HMGXB3: variants seen among roughly 807,000 people sequenced by gnomAD.
HMGXB3 encodes the protein HMG-box containing 3.
Under a neutral mutation model 121.5 loss-of-function variants are expected in HMGXB3, and 45 were observed. The observed-to-expected ratio is 0.37, with a 90% confidence interval of 0.29 to 0.47. The LOEUF is 0.47. Ranked by LOEUF, HMGXB3 falls within the 20% of genes least tolerant of loss-of-function variation. The pLI is 0.99. For missense variants in HMGXB3, 1,376 were observed against 1,602.2 expected, an observed-to-expected ratio of 0.86 and a Z score of 2.41; for synonymous variants, 590 against 624.1, an observed-to-expected ratio of 0.95 and a Z score of 0.81.
chr5:150,030,720 A>G (rs770745477), intron 9 of HMGXB3, 21 bp from the exon 10 acceptor site: 1 of 1,539,712 alleles, frequency 6.5e-7, no homozygotes, highest in South Asian at 1.2e-5. Flanking sequence ...AAAGCACTAA[A>G]TAATTTGTTC....
At chr5:150,044,791 G>A (rs939823838) in intron 15 of HMGXB3, among the ~76,000 whole-genome samples, 19 of 152,176 alleles carry the variant, frequency 1.2e-4, no homozygotes, top group Admixed American at 1.2e-3. Flanking sequence ...TGAGGTATTA[G>A]GATCCGGGTC....
intron 9 of HMGXB3, among the ~76,000 whole-genome samples, chr5:150,028,107 C>G (rs1342508171): frequency 6.6e-6 from 1 of 152,036 alleles, no homozygotes; most frequent in Non-Finnish European, 1.5e-5. Flanking sequence ...TCAACATACA[C>G]AAGATGAACA....
In HMGXB3 at chr5:150,052,655, G is replaced by A. The variant is rs566517408; in HGVS notation, c.*463G>A. ...CTTAGCCTGTTGCCTTTGACTAGGG[G>A]CCTGGGTGGCCTCATTAACTCTAGG... On this transcript the variant is annotated 3_prime_UTR_variant, in exon 20 of 20. Transcript: ENST00000502717. The A allele has an allele frequency of 3.2e-4, 52 of 163,280 alleles. No homozygotes were observed. Among genetic ancestry groups the A allele is most frequent in the Non-Finnish European group, 6.1e-4 (45 of 74,242 alleles). The allele number at this position is 163,280 out of a possible 1,614,324, so 10.1% of individuals were successfully genotyped here.
chr5:150,035,525 G>A (rs1241440351), intron 11 of HMGXB3, among the ~76,000 whole-genome samples: 1 of 152,138 alleles, frequency 6.6e-6, no homozygotes, highest in Non-Finnish European at 1.5e-5. Context: ...CTTCTACAGA[G>A]CCATGTATAA....
chr5:150,011,603 G>GTTTT (rs1491185268), intron 4 of HMGXB3, among the ~76,000 whole-genome samples: 2 of 143,230 alleles, frequency 1.4e-5, no homozygotes, highest in African/African-American at 5.6e-5. Context: ...GTTTTTTTTT[G>GTTTT]GTTTTTTTTT....
chr5:150,041,006 G>C, intron 14 of HMGXB3, 127 bp downstream of exon 14: 1 of 929,952 alleles, frequency 1.1e-6, no homozygotes, highest in Non-Finnish European at 1.5e-6. Context: ...AGACATTCTT[G>C]ACTTCCTAAT....
chr5:150,010,085 C>G (rs938323711), intron 3 of HMGXB3, 26 bp from the exon 4 acceptor site: 9 of 1,540,000 alleles, frequency 5.8e-6, no homozygotes, highest in South Asian at 3.6e-5. Flanking sequence ...TGCTTGTCTC[C>G]CCCTTCCTGG....
intron 11 of HMGXB3, among the ~76,000 whole-genome samples, chr5:150,034,678 A>T (rs145597950): frequency 6.6e-6 from 1 of 152,206 alleles, no homozygotes; most frequent in Non-Finnish European, 1.5e-5. Flanking sequence ...GGAGAAATAC[A>T]GTGTAATTAC....
chr5:150,013,065 GA>G (rs1336939613), intron 5 of HMGXB3, among the ~76,000 whole-genome samples: 3 of 152,150 alleles, frequency 2.0e-5, no homozygotes, highest in African/African-American at 7.2e-5. Context: ...TGTCCTTTCT[GA>G]TTTGAATTCC....
At position 150,010,162 on chromosome 5, in the gene HMGXB3, C is replaced by T. The variant is rs1245557027; in HGVS notation, c.364C>T (p.Arg122Cys). The T allele has an allele frequency of 3.2e-6, 5 of 1,551,746 alleles. No individual in the cohort carries two copies. Among genetic ancestry groups the T allele is most frequent in the Admixed American group, 2.0e-5 (1 of 51,000 alleles). ...TGTGGTTCCGGACATCCCAGGTTTC[C>T]GCAAGATCCTCCCACGCTCAGATTA... The part of the protein sequence containing the change: ...TAVVPDIPGF[R>C]KILPRSDYII... Residue 122 changes from arginine to cysteine, a missense_variant, in exon 4 of 20, where the codon CGC (arginine) becomes TGC (cysteine). This residue lies in a region of HMGXB3 where 1,116 missense variants were observed against 1,369.0 expected (regional missense o/e 0.82). Transcript: ENST00000502717.
chr5:150,044,461 C>T (rs1267288127), intron 15 of HMGXB3, among the ~76,000 whole-genome samples: 1 of 152,064 alleles, frequency 6.6e-6, no homozygotes, highest in Non-Finnish European at 1.5e-5. Context: ...AGGAGAGGAG[C>T]CTTTATGGGG....
intron 15 of HMGXB3, among the ~76,000 whole-genome samples, chr5:150,044,225 C>A (rs1018183312): frequency 2.0e-5 from 3 of 152,084 alleles, no homozygotes; most frequent in African/African-American, 7.2e-5. Flanking sequence ...AGTTATTGAA[C>A]AAAACTTAAA....
intron 9 of HMGXB3, chr5:150,030,398 G>A (rs1305398540): frequency 1.1e-5 from 2 of 185,220 alleles, no homozygotes; most frequent in Admixed American, 5.8e-5. Flanking sequence ...TTAGTGAATA[G>A]TCTTTCAGAC....
chr5:150,044,242 G>T (rs1184856068), intron 15 of HMGXB3, among the ~76,000 whole-genome samples: 1 of 152,198 alleles, frequency 6.6e-6, no homozygotes, highest in Non-Finnish European at 1.5e-5. Context: ...TAAATATGCT[G>T]TTATCCATGA....
intron 15 of HMGXB3, 76 bp downstream of exon 15, chr5:150,042,045 C>A: frequency 1.6e-6 from 2 of 1,237,928 alleles, no homozygotes; most frequent in Non-Finnish European, 2.3e-6. Context: ...TATGATATCC[C>A]CAGGGGGTGG....
At chr5:150,046,743 C>T (rs1057014820) in intron 16 of HMGXB3, among the ~76,000 whole-genome samples, 21 of 151,944 alleles carry the variant, frequency 1.4e-4, no homozygotes, top group Middle Eastern at 3.4e-3. Context: ...ACCCGGGAGG[C>T]GGAGATTGCA....
At position 150,024,697 on chromosome 5, in the gene HMGXB3, G is replaced by C. The variant is rs1179498180; in HGVS notation, c.1460+17G>C. On this transcript the variant is annotated intron_variant, in intron 7 of 19. Coordinates refer to ENST00000502717, the MANE Select transcript of HMGXB3 (RefSeq NM_014983.3). ...ACCTACAGGGTAAGTCAGTGTGTTT[G>C]TATAATATAGGGCTTTGGAAATGCC... 6 of 1,516,842 alleles carry C rather than the reference G, an allele frequency of 4.0e-6. No homozygotes were observed. In the Admixed American group the frequency reaches 1.1e-4, roughly 27 times the overall value. 94.0% of individuals were successfully genotyped at this position (1,516,842 alleles called of 1,614,324 possible).
rs1755660633 is a variant in HMGXB3 at position 150,004,928 on chromosome 5, C to T, written c.76C>T (p.Pro26Ser). 6.4e-7 allele frequency: 1 copy of T among 1,551,706 alleles called. No homozygotes were observed. The highest frequency in any genetic ancestry group is 8.7e-7 in the Non-Finnish European group (1 of 1,146,980). ...TGAGGAAGCCTATTGTTACACCTCT[C>T]CTGGGCCACCCAAGAAGAAGAAAAA... ...EIEEAYCYTS[P>S]GPPKKKKKYK... Residue 26 changes from proline (P) to serine (S), a missense_variant, in exon 2 of 20, where the codon CCT becomes TCT. This residue lies in a region of HMGXB3 where 1,116 missense variants were observed against 1,369.0 expected (regional missense o/e 0.82). Coordinates refer to ENST00000502717, the MANE Select transcript of HMGXB3 (RefSeq NM_014983.3).
intron 11 of HMGXB3, among the ~76,000 whole-genome samples, chr5:150,035,409 CT>C (rs1367938228): frequency 6.6e-6 from 1 of 152,198 alleles, no homozygotes; most frequent in Non-Finnish European, 1.5e-5. Flanking sequence ...ATCTGCCCCC[CT>C]GACCCAAGTA....
Sources: gnomAD v4.1 joint callset for allele counts (sites outside exome capture counted in the v4.1 genomes callset) on GRCh38, gnomAD v4.1.1 for gene constraint, gnomAD v4.1.1 regional missense constraint, MANE v1.5 for transcripts, NCBI Gene and HGNC (gene_info 2026-07-23, HGNC 2026-07-21) for gene names.